Variants in DPP10 observed in about 807,000 individuals in gnomAD.
The protein encoded by DPP10 is dipeptidyl peptidase like 10, also known as inactive dipeptidyl peptidase 10.
Under a neutral mutation model 120.9 loss-of-function variants are expected in DPP10, and 33 were observed. That is an observed-to-expected ratio of 0.27 (90% CI 0.21 to 0.37). The LOEUF is 0.37. Ranked by LOEUF, DPP10 falls within the 10% of genes least tolerant of loss-of-function variation. DPP10 has a pLI of 1.00. For synonymous variants in DPP10, 337 were observed against 326.1 expected, an observed-to-expected ratio of 1.03 and a Z score of -0.36; for missense variants, 816 against 942.8, an observed-to-expected ratio of 0.87 and a Z score of 1.76.
At chr2:115,189,578 A>AT (rs752462994) in intron 1 of DPP10, among the ~76,000 whole-genome samples, 1 of 152,182 alleles carries the variant, frequency 6.6e-6, no homozygotes, top group Non-Finnish European at 1.5e-5. Context: ...GGTTCACTAT[A>AT]TTTAACAATC....
intron 3 of DPP10, among the ~76,000 whole-genome samples, chr2:115,417,292 TA>T (rs1190854216): frequency 6.6e-6 from 1 of 152,132 alleles, no homozygotes; most frequent in African/African-American, 2.4e-5. Context: ...CCAAATAATG[TA>T]AAAAATATCA....
chr2:115,334,230 G>GTTTTTTTTTTTTTTTTTGTTTTTTTTTTT, intron 2 of DPP10, among the ~76,000 whole-genome samples: 2 of 56,412 alleles, frequency 3.5e-5, no homozygotes. Flanking sequence ...AGCAGACTCT[G>GTTTTTTTTTTTTTTTTTGTTTTTTTTTTT]TTTTTTTTTT....
chr2:115,622,842 T>TG (rs1298770990), intron 5 of DPP10, among the ~76,000 whole-genome samples: 142 of 148,116 alleles, frequency 9.6e-4, no homozygotes, highest in East Asian at 6.3e-3. Flanking sequence ...TTTTTTTTTT[T>TG]TTTTGTTTTT....
intron 3 of DPP10, among the ~76,000 whole-genome samples, chr2:115,458,859 A>G (rs892350176): frequency 6.6e-6 from 1 of 152,188 alleles, no homozygotes; most frequent in Non-Finnish European, 1.5e-5. Context: ...AATGTTAAAC[A>G]TGTAAAATAT....
chr2:115,437,763 G>C (rs1176204372), intron 3 of DPP10, among the ~76,000 whole-genome samples: 1 of 151,900 alleles, frequency 6.6e-6, no homozygotes, highest in Non-Finnish European at 1.5e-5. Context: ...GTAGAAAATA[G>C]GTGTGAATTT....
chr2:115,009,637 G>GGGA (rs1182908524), intron 1 of DPP10, among the ~76,000 whole-genome samples: 1 of 151,048 alleles, frequency 6.6e-6, no homozygotes, highest in East Asian at 1.9e-4. Flanking sequence ...TATCCCTTGG[G>GGGA]CTAGGGGAGG....
intron 1 of DPP10, chr2:115,144,074 C>T (rs2051079113): frequency 6.6e-6 from 1 of 152,202 alleles, no homozygotes; most frequent in Admixed American, 6.5e-5. Flanking sequence ...TATTTTTCAA[C>T]ATTTAACACA....
At chr2:115,003,015 A>G (rs1351913681) in intron 1 of DPP10, among the ~76,000 whole-genome samples, 1 of 152,018 alleles carries the variant, frequency 6.6e-6, no homozygotes, top group Non-Finnish European at 1.5e-5. Context: ...TACTGGGTAT[A>G]TACTCAAAGG....
At chr2:115,376,851 T>A (rs929254795) in intron 3 of DPP10, among the ~76,000 whole-genome samples, 1 of 150,446 alleles carries the variant, frequency 6.6e-6, no homozygotes, top group Non-Finnish European at 1.5e-5. Flanking sequence ...GATTTCCAAT[T>A]TCATCCATGT....
At chr2:115,081,438 T>C (rs918100917) in intron 1 of DPP10, among the ~76,000 whole-genome samples, 2 of 152,218 alleles carry the variant, frequency 1.3e-5, no homozygotes, top group Non-Finnish European at 2.9e-5. Context: ...ATTTCTATGA[T>C]ATATTTTTCC....
intron 2 of DPP10, chr2:115,342,038 C>CT (rs2063472732): frequency 2.5e-6 from 1 of 397,932 alleles, no homozygotes; most frequent in African/African-American, 2.1e-5. Context: ...TCCAAAGTGA[C>CT]TGTACCATTT....
At chr2:115,190,427 G>T (rs1230648668) in intron 1 of DPP10, among the ~76,000 whole-genome samples, 1 of 151,974 alleles carries the variant, frequency 6.6e-6, no homozygotes, top group Admixed American at 6.6e-5. Flanking sequence ...CTAATTACTC[G>T]GCAGAGTACC....
intron 3 of DPP10, among the ~76,000 whole-genome samples, chr2:115,390,735 T>A (rs1442257100): frequency 6.6e-6 from 1 of 152,142 alleles, no homozygotes; most frequent in Non-Finnish European, 1.5e-5. Context: ...TCACACCATG[T>A]AGAAAGTTTA....
chr2:115,184,949 C>T (rs944850133), intron 1 of DPP10, among the ~76,000 whole-genome samples: 1 of 152,156 alleles, frequency 6.6e-6, no homozygotes, highest in African/African-American at 2.4e-5. Context: ...ACAAAGGATA[C>T]AATCATCATT....
At chr2:115,277,422 A>G (rs1395745650) in intron 1 of DPP10, among the ~76,000 whole-genome samples, 1 of 145,926 alleles carries the variant, frequency 6.9e-6, no homozygotes, top group Non-Finnish European at 1.5e-5. Flanking sequence ...CTTAGAGAAT[A>G]ATTATACTTA....
At chr2:114,907,186 A>T (rs1243771945) in intron 1 of DPP10, among the ~76,000 whole-genome samples, 1 of 151,914 alleles carries the variant, frequency 6.6e-6, no homozygotes, top group Non-Finnish European at 1.5e-5. Flanking sequence ...TAGCAATGTA[A>T]GTCTTCTTTA....
At chr2:114,557,591 T>C (rs1688427912) in intron 1 of DPP10, among the ~76,000 whole-genome samples, 1 of 152,118 alleles carries the variant, frequency 6.6e-6, no homozygotes, top group Admixed American at 6.6e-5. Context: ...TTATTAACCA[T>C]TAGTATTTGT....
At chr2:115,289,506 G>GAAGAAAAGAA (rs57788865) in intron 1 of DPP10, among the ~76,000 whole-genome samples, 72,882 of 113,604 alleles carry the variant, frequency 0.64, 24,775 homozygotes, top group Middle Eastern at 0.77. Flanking sequence ...AAAAAAAAAG[G>GAAGAAAAGAA]AAGAAAAGAA....
At chr2:115,492,390 T>C (rs1367531441) in intron 3 of DPP10, among the ~76,000 whole-genome samples, 1 of 152,102 alleles carries the variant, frequency 6.6e-6, no homozygotes, top group African/African-American at 2.4e-5. Context: ...TTTCAATAAG[T>C]GGTCTTGATT....
Sources: allele counts gnomAD v4.1 joint callset (sites outside exome capture counted in the v4.1 genomes callset), GRCh38; gene constraint gnomAD v4.1.1; transcripts MANE v1.5; gene names NCBI Gene and HGNC (gene_info 2026-07-23, HGNC 2026-07-21).